Variants in MRPS9 observed in about 807,000 individuals in gnomAD.
The protein encoded by MRPS9 is small ribosomal subunit protein uS9m.
In MRPS9, 45 loss-of-function variants were observed where a neutral mutation model predicts 59.9. The ratio of observed to expected loss-of-function variants is 0.75; its 90% CI spans 0.59 to 0.96. The LOEUF is 0.96. MRPS9 is among the 40% of genes least tolerant of loss of function. MRPS9 has a pLI of 0.00. For missense variants in MRPS9, 473 were observed against 481.1 expected (o/e 0.98, Z 0.16); for synonymous variants, 171 against 166.8 (o/e 1.03, Z -0.19).
chr2:105,056,957 A>T (rs1276262383), intron 2 of MRPS9, among the ~76,000 whole-genome samples: 1 of 151,718 alleles, frequency 6.6e-6, no homozygotes, highest in Non-Finnish European at 1.5e-5. Flanking sequence ...ATATTTCAGA[A>T]TTTTTTTTTC....
chr2:105,063,633 C>T (rs1679944801), intron 2 of MRPS9, among the ~76,000 whole-genome samples: 1 of 152,176 alleles, frequency 6.6e-6, no homozygotes, highest in Non-Finnish European at 1.5e-5. Context: ...CTCTTAAATA[C>T]ATCTTCAAAA....
intron 5 of MRPS9, among the ~76,000 whole-genome samples, chr2:105,080,814 C>T (rs1219173265): frequency 6.6e-6 from 1 of 152,146 alleles, no homozygotes; most frequent in African/African-American, 2.4e-5. Flanking sequence ...TCAGTGCACA[C>T]ATTTACTCTG....
intron 1 of MRPS9, among the ~76,000 whole-genome samples, chr2:105,044,689 A>G (rs1679563278): frequency 6.6e-6 from 1 of 152,214 alleles, no homozygotes; most frequent in Non-Finnish European, 1.5e-5. Flanking sequence ...TGGAGACTAT[A>G]GGCAGACACA....
intron 2 of MRPS9, among the ~76,000 whole-genome samples, chr2:105,064,154 G>A (rs1016008126): frequency 6.6e-6 from 1 of 152,166 alleles, no homozygotes; most frequent in Admixed American, 6.5e-5. Flanking sequence ...CTCTGAGGAA[G>A]CAGCACTTAA....
intron 2 of MRPS9, among the ~76,000 whole-genome samples, chr2:105,058,430 CTTTGA>C (rs1016185664): frequency 6.6e-6 from 1 of 152,162 alleles, no homozygotes; most frequent in African/African-American, 2.4e-5. Flanking sequence ...TTCTTTCATA[CTTTGA>C]TTTAAGTCTA....
intron 2 of MRPS9, among the ~76,000 whole-genome samples, chr2:105,070,466 A>G (rs996761447): frequency 6.6e-6 from 1 of 152,284 alleles, no homozygotes; most frequent in African/African-American, 2.4e-5. Flanking sequence ...CCCACTCAGA[A>G]CAGGCTCTCT....
intron 4 of MRPS9, among the ~76,000 whole-genome samples, chr2:105,074,010 T>C (rs1680163754): frequency 6.6e-6 from 1 of 152,142 alleles, no homozygotes. Context: ...ACCTAACGAA[T>C]TCCAAGTAGT....
chr2:105,063,121 A>G (rs1444635243), intron 2 of MRPS9, among the ~76,000 whole-genome samples: 2 of 152,322 alleles, frequency 1.3e-5, no homozygotes, highest in African/African-American at 4.8e-5. Flanking sequence ...TAAAACAGCA[A>G]TGGGCAAGGT....
chr2:105,095,170 G>A (rs913646064), intron 9 of MRPS9, among the ~76,000 whole-genome samples: 15 of 152,088 alleles, frequency 9.9e-5, no homozygotes, highest in African/African-American at 3.6e-4. Flanking sequence ...TGACTAATAG[G>A]AAGACTAACC....
chr2:105,080,434 G>A (rs919129672), intron 5 of MRPS9, among the ~76,000 whole-genome samples: 1 of 151,926 alleles, frequency 6.6e-6, no homozygotes, highest in African/African-American at 2.4e-5. Flanking sequence ...GAATCAAATG[G>A]TTATTTCTCA....
chr2:105,090,313 A>T (rs1228176054), intron 7 of MRPS9, among the ~76,000 whole-genome samples: 1 of 152,164 alleles, frequency 6.6e-6, no homozygotes, highest in East Asian at 1.9e-4. Flanking sequence ...TCCTTACGTA[A>T]GGCCAGTAGC....
rs1428901059 is a variant in MRPS9 at position 105,041,574 on chromosome 2, T to G, written c.135+3347T>G. ...CATGCTTCTGGAGGTTATAATATCC[T>G]GTATTTATCACAGCATTCTATTGAT... On this transcript the variant is annotated intron_variant, in intron 1 of 10. Transcript: ENST00000258455. Among the ~76,000 whole-genome samples the G allele has an allele frequency of 2.6e-5, 4 of 152,180 alleles. No individual in the cohort carries two copies. The East Asian group carries it at 7.7e-4, about 29-fold the overall frequency.
chr2:105,093,717 G>A, intron 9 of MRPS9, 79 bp downstream of exon 9: 1 of 630,220 alleles, frequency 1.6e-6, no homozygotes, highest in Non-Finnish European at 2.7e-6. Context: ...GAAGGCTTGT[G>A]ATCTTCTAAT....
At chr2:105,071,647 T>G (rs1680118312) in intron 4 of MRPS9, among the ~76,000 whole-genome samples, 158 bp downstream of exon 4, 1 of 152,142 alleles carries the variant, frequency 6.6e-6, no homozygotes, top group Non-Finnish European at 1.5e-5. Context: ...ATGAGTGAAG[T>G]TTGCAAACCA....
At chr2:105,062,869 A>G (rs1679931879) in intron 2 of MRPS9, among the ~76,000 whole-genome samples, 3 of 152,210 alleles carry the variant, frequency 2.0e-5, no homozygotes, top group South Asian at 4.1e-4. Flanking sequence ...GTTCTACTGG[A>G]CATGTTAGGA....
chr2:105,044,112 T>C (rs571436926), intron 1 of MRPS9, among the ~76,000 whole-genome samples: 1 of 152,038 alleles, frequency 6.6e-6, no homozygotes, highest in African/African-American at 2.4e-5. Context: ...ATTTTTGTAT[T>C]TTTAGTAGAG....
intron 4 of MRPS9, among the ~76,000 whole-genome samples, chr2:105,072,375 G>A (rs77042023): frequency 0.018 from 2,690 of 151,490 alleles, 82 homozygotes; most frequent in African/African-American, 0.062. Context: ...TATTTCTACA[G>A]ATTCTTCCCA....
chr2:105,044,612 T>G (rs1403947234), intron 1 of MRPS9, among the ~76,000 whole-genome samples: 1 of 152,178 alleles, frequency 6.6e-6, no homozygotes, highest in Non-Finnish European at 1.5e-5. Context: ...AATGAAAATG[T>G]TTATAAATAT....
At chr2:105,071,247 C>G in intron 2 of MRPS9, 66 bp from the exon 3 acceptor site, 1 of 1,325,186 alleles carries the variant, frequency 7.5e-7, no homozygotes, top group Non-Finnish European at 1.1e-6. Context: ...AGAAAGCACT[C>G]TATAACTATT....
Sources: gnomAD v4.1 joint callset for allele counts (sites outside exome capture counted in the v4.1 genomes callset) on GRCh38, gnomAD v4.1.1 for gene constraint, MANE v1.5 for transcripts, NCBI Gene and HGNC (gene_info 2026-07-23, HGNC 2026-07-21) for gene names.